Variants in TRIQK observed in about 807,000 individuals in gnomAD.
The protein encoded by TRIQK is triple QxxK/R motif containing.
A neutral mutation model predicts 10.8 loss-of-function variants in TRIQK; 10 were observed. The ratio of observed to expected loss-of-function variants is 0.92; its 90% CI spans 0.57 to 1.57. The LOEUF is 1.57. Ranked by LOEUF, TRIQK falls within the 40% of genes most tolerant of loss-of-function variation. The pLI is 0.00. For missense variants in TRIQK, 107 were observed against 97.7 expected (o/e 1.09, Z -0.40); for synonymous variants, 33 against 33.7 (o/e 0.98, Z 0.07).
At chr8:93,002,027 G>A (rs1203901517) in intron 1 of TRIQK, among the ~76,000 whole-genome samples, 1 of 152,040 alleles carries the variant, frequency 6.6e-6, no homozygotes, top group African/African-American at 2.4e-5. Context: ...TCCTGACCAA[G>A]GAGTCAATGA....
chr8:93,000,241 G>C (rs1813195161), intron 1 of TRIQK, among the ~76,000 whole-genome samples: 1 of 152,112 alleles, frequency 6.6e-6, no homozygotes, highest in African/African-American at 2.4e-5. Flanking sequence ...AACTATATCT[G>C]TATTAGTCCA....
intron 2 of TRIQK, among the ~76,000 whole-genome samples, chr8:92,949,183 A>G (rs553173309): frequency 8.5e-5 from 13 of 152,300 alleles, no homozygotes; most frequent in African/African-American, 2.4e-4. Flanking sequence ...TCTTTGCTCA[A>G]TTAAACTTGT....
chr8:92,930,061 T>C (rs1043759477), intron 2 of TRIQK, among the ~76,000 whole-genome samples: 3 of 151,292 alleles, frequency 2.0e-5, no homozygotes, highest in Non-Finnish European at 2.9e-5. Context: ...AAAATAAAAA[T>C]AAATAAATAA....
At chr8:92,889,367 C>T (rs1816647800) in intron 4 of TRIQK, among the ~76,000 whole-genome samples, 1 of 151,470 alleles carries the variant, frequency 6.6e-6, no homozygotes, top group African/African-American at 2.4e-5. Flanking sequence ...TCTTTCTTTT[C>T]ACAGGTGCTA....
chr8:92,974,189 C>T (rs572952506), intron 1 of TRIQK: 116 of 152,424 alleles, frequency 7.6e-4, no homozygotes, highest in African/African-American at 2.6e-3. Context: ...CAAGGACATA[C>T]CCAGTAACAA....
At chr8:92,914,865 T>C (rs949975637) in intron 3 of TRIQK, among the ~76,000 whole-genome samples, 13 of 152,262 alleles carry the variant, frequency 8.5e-5, no homozygotes, top group African/African-American at 3.1e-4. Flanking sequence ...ATCTCTCTCC[T>C]AGGTATATAC....
At chr8:92,954,752 C>T (rs1001923870) in intron 1 of TRIQK, among the ~76,000 whole-genome samples, 188 bp from the exon 2 acceptor site, 2 of 151,696 alleles carry the variant, frequency 1.3e-5, no homozygotes, top group African/African-American at 4.8e-5. Context: ...TATTATGCCC[C>T]ATTTTAACAA....
chr8:92,922,651 A>G (rs1474716637), intron 2 of TRIQK: 1 of 151,856 alleles, frequency 6.6e-6, no homozygotes, highest in Admixed American at 6.6e-5. Flanking sequence ...TATTTTTACC[A>G]AAGTAGCTGA....
chr8:92,894,890 A>G (rs906318028), intron 3 of TRIQK, among the ~76,000 whole-genome samples: 1 of 152,030 alleles, frequency 6.6e-6, no homozygotes, highest in Admixed American at 6.6e-5. Flanking sequence ...ACTGTATTCA[A>G]TAGTATATGG....
intron 2 of TRIQK, among the ~76,000 whole-genome samples, chr8:92,939,742 T>C (rs1811176767): frequency 6.6e-6 from 1 of 152,058 alleles, no homozygotes; most frequent in Non-Finnish European, 1.5e-5. Flanking sequence ...GGGAGAAATG[T>C]AGGCACTAGT....
At chr8:92,961,441 A>G (rs1441112073) in intron 1 of TRIQK, among the ~76,000 whole-genome samples, 2 of 152,188 alleles carry the variant, frequency 1.3e-5, no homozygotes, top group African/African-American at 4.8e-5. Flanking sequence ...AGTCACTGTG[A>G]ATGACGGCAA....
intron 1 of TRIQK, among the ~76,000 whole-genome samples, chr8:93,005,725 A>C (rs13438859): frequency 0.13 from 19,575 of 152,168 alleles, 1,290 homozygotes; most frequent in East Asian, 0.19. Flanking sequence ...TTCTATTAAT[A>C]GAAGTGGTTT....
chr8:92,954,181 C>T (rs902118618), intron 2 of TRIQK: 4 of 151,674 alleles, frequency 2.6e-5, no homozygotes, highest in African/African-American at 9.7e-5. Flanking sequence ...AAATGTATAG[C>T]TTTATAAATG....
chr8:92,917,980 TTG>T (rs1809959248), intron 2 of TRIQK, among the ~76,000 whole-genome samples: 1 of 152,062 alleles, frequency 6.6e-6, no homozygotes, highest in African/African-American at 2.4e-5. Context: ...AAAGCAATAT[TTG>T]TCTTTCTGTG....
At chr8:92,900,402 G>T (rs1808866856) in intron 3 of TRIQK, among the ~76,000 whole-genome samples, 1 of 152,034 alleles carries the variant, frequency 6.6e-6, no homozygotes, top group Non-Finnish European at 1.5e-5. Flanking sequence ...AATGCATTTT[G>T]ATTTGATTTT....
At chr8:92,967,628 C>T (rs1429899850), upstream of TRIQK, among the ~76,000 whole-genome samples, 2 of 151,824 alleles carry the variant, frequency 1.3e-5, no homozygotes, top group Admixed American at 1.3e-4. Flanking sequence ...TCCAGACCAG[C>T]CTGGCCAACA....
intron 1 of TRIQK, among the ~76,000 whole-genome samples, chr8:92,988,252 G>A (rs1015583459): frequency 2.0e-5 from 3 of 151,578 alleles, no homozygotes; most frequent in African/African-American, 4.8e-5. Context: ...TCCTGATCTC[G>A]TGATCCACCC....
At chr8:92,949,804 AAGAAAGAAAGAAAGAAAGAAAGAAAG>A (rs1299653018) in intron 2 of TRIQK, among the ~76,000 whole-genome samples, 2 of 131,308 alleles carry the variant, frequency 1.5e-5, no homozygotes, top group Non-Finnish European at 3.4e-5. Context: ...GAAAGAAAGA[AAGAAAGAAAGAAAGAAAGAAAGAAAG>A]AAAGAAAGAA....
intron 1 of TRIQK, among the ~76,000 whole-genome samples, chr8:92,971,233 A>G (rs999102575): frequency 6.6e-6 from 1 of 151,966 alleles, no homozygotes; most frequent in Non-Finnish European, 1.5e-5. Flanking sequence ...CACACAAGGG[A>G]ACAAGACAAG....
Sources: allele counts gnomAD v4.1 joint callset (sites outside exome capture counted in the v4.1 genomes callset), GRCh38; gene constraint gnomAD v4.1.1; transcripts MANE v1.5; gene names NCBI Gene and HGNC (gene_info 2026-07-23, HGNC 2026-07-21).